GALNTL6: variants seen among roughly 807,000 people sequenced by gnomAD.
The protein encoded by GALNTL6 is polypeptide N-acetylgalactosaminyltransferase like 6.
A neutral mutation model predicts 73.7 loss-of-function variants in GALNTL6; 46 were observed. That is an observed-to-expected ratio of 0.62 (90% CI 0.49 to 0.80). GALNTL6 has a LOEUF of 0.80. Among genes scored for constraint, GALNTL6 ranks in the 30% least tolerant of loss-of-function variants. The pLI is 0.00. For missense variants in GALNTL6, 604 were observed against 755.0 expected (o/e 0.80, Z 2.34); for synonymous variants, 259 against 263.7 (o/e 0.98, Z 0.17).
At chr4:172,110,220 A>G (rs1318614217) in intron 2 of GALNTL6, among the ~76,000 whole-genome samples, 2 of 152,222 alleles carry the variant, frequency 1.3e-5, no homozygotes, top group Non-Finnish European at 2.9e-5. Flanking sequence ...GATACAGCTA[A>G]GGCAAGAATA....
chr4:172,210,018 A>G (rs956841972), intron 2 of GALNTL6, among the ~76,000 whole-genome samples: 1 of 152,114 alleles, frequency 6.6e-6, no homozygotes. Context: ...AATGCATATC[A>G]TAGTAAAGAA....
intron 5 of GALNTL6, among the ~76,000 whole-genome samples, chr4:172,410,842 G>T (rs1234779638): frequency 6.6e-6 from 1 of 151,908 alleles, no homozygotes; most frequent in African/African-American, 2.4e-5. Flanking sequence ...GTGACACAAT[G>T]ATTTTCCCTC....
intron 5 of GALNTL6, among the ~76,000 whole-genome samples, chr4:172,601,215 A>G (rs1302964343): frequency 6.6e-6 from 1 of 152,196 alleles, no homozygotes; most frequent in Non-Finnish European, 1.5e-5. Flanking sequence ...GCAGATGGAA[A>G]GGTCAACTTA....
chr4:172,192,511 C>T (rs1258647370), intron 2 of GALNTL6, among the ~76,000 whole-genome samples: 4 of 151,850 alleles, frequency 2.6e-5, no homozygotes, highest in Admixed American at 6.6e-5. Context: ...ACTAGGCAGT[C>T]GGAGTGACCC....
intron 5 of GALNTL6, among the ~76,000 whole-genome samples, chr4:172,443,114 CCATATA>C (rs1731891061): frequency 5.2e-5 from 4 of 77,494 alleles, no homozygotes; most frequent in Admixed American, 1.8e-4. Context: ...CAGTAATGAT[CCATATA>C]CATATATATA....
intron 5 of GALNTL6, among the ~76,000 whole-genome samples, chr4:172,742,393 C>T (rs556085792): frequency 3.3e-5 from 5 of 151,548 alleles, no homozygotes; most frequent in Non-Finnish European, 5.9e-5. Context: ...AAACCAATCA[C>T]CCCAGCCTGT....
In GALNTL6 at chr4:172,153,817, A is replaced by G. The variant is rs892696181; in HGVS notation, c.139-75839A>G. Among the ~76,000 whole-genome samples the G allele has an allele frequency of 8.5e-5, 13 of 152,190 alleles. 1 individual carries two copies. Among genetic ancestry groups the G allele is most frequent in the Admixed American group, 1.3e-4 (2 of 15,282 alleles). On this transcript the variant is annotated intron_variant, in intron 2 of 12. Transcript: ENST00000506823. ...GACAAAAAGCTCCTGAGGATCTTTCATGACCTAGGAATTAAACCTAATCAT... is the reference window on the plus strand; with the variant it reads ...GACAAAAAGCTCCTGAGGATCTTTCGTGACCTAGGAATTAAACCTAATCAT...
chr4:171,909,051 G>A (rs1378887666), intron 2 of GALNTL6, among the ~76,000 whole-genome samples: 24 of 149,606 alleles, frequency 1.6e-4, no homozygotes, highest in Non-Finnish European at 2.5e-4. Context: ...GCTAGATGAC[G>A]AGTTAGTGGG....
intron 2 of GALNTL6, among the ~76,000 whole-genome samples, chr4:172,101,610 T>A (rs1231180535): frequency 6.6e-6 from 1 of 152,196 alleles, no homozygotes; most frequent in African/African-American, 2.4e-5. Flanking sequence ...CCATTTAATT[T>A]GCCTCTTTTT....
intron 2 of GALNTL6, among the ~76,000 whole-genome samples, chr4:172,163,082 C>A (rs1212427762): frequency 6.6e-6 from 1 of 151,944 alleles, no homozygotes; most frequent in Non-Finnish European, 1.5e-5. Flanking sequence ...TCCCACCTTG[C>A]CCTGGTGAAC....
At chr4:172,427,898 A>G (rs1488595289) in intron 5 of GALNTL6, among the ~76,000 whole-genome samples, 6 of 152,230 alleles carry the variant, frequency 3.9e-5, no homozygotes, top group Admixed American at 1.3e-4. Flanking sequence ...CATATAAGGA[A>G]AAGATATTTT....
chr4:172,858,302 C>A (rs1744218237), intron 7 of GALNTL6, among the ~76,000 whole-genome samples: 1 of 152,130 alleles, frequency 6.6e-6, no homozygotes, highest in South Asian at 2.1e-4. Context: ...TCTTGGAGCT[C>A]ATACTCCAGC....
chr4:172,852,103 G>A (rs1028360131), intron 7 of GALNTL6, among the ~76,000 whole-genome samples: 1 of 152,180 alleles, frequency 6.6e-6, no homozygotes, highest in Admixed American at 6.5e-5. Flanking sequence ...TTGCCCACTG[G>A]TTGGGGACTT....
chr4:172,630,759 C>A (rs1739361652), intron 5 of GALNTL6, among the ~76,000 whole-genome samples: 1 of 149,784 alleles, frequency 6.7e-6, no homozygotes, highest in Non-Finnish European at 1.5e-5. Flanking sequence ...TTCCACAAAG[C>A]TATCTTGTTT....
At chr4:172,128,118 A>G (rs1733356539) in intron 2 of GALNTL6, among the ~76,000 whole-genome samples, 1 of 152,170 alleles carries the variant, frequency 6.6e-6, no homozygotes, top group African/African-American at 2.4e-5. Flanking sequence ...AAAGAAAAAA[A>G]AAGTGTCTAA....
chr4:172,486,362 T>C (rs1224419474), intron 5 of GALNTL6, among the ~76,000 whole-genome samples: 1 of 152,198 alleles, frequency 6.6e-6, no homozygotes, highest in Non-Finnish European at 1.5e-5. Context: ...AGATAATTTA[T>C]TAAGCTTCCT....
intron 5 of GALNTL6, among the ~76,000 whole-genome samples, chr4:172,449,680 A>G (rs1732143050): frequency 6.6e-6 from 1 of 152,070 alleles, no homozygotes. Flanking sequence ...TCAAACTTCT[A>G]AATAGTGTGA....
intron 9 of GALNTL6, among the ~76,000 whole-genome samples, chr4:172,937,109 C>A (rs140594861): frequency 7.9e-5 from 12 of 151,972 alleles, no homozygotes; most frequent in African/African-American, 2.7e-4. Flanking sequence ...CCTTGGAAGA[C>A]CCTGGATGCA....
chr4:171,965,657 GA>G (rs10625618), intron 2 of GALNTL6, among the ~76,000 whole-genome samples: 2 of 100,348 alleles, frequency 2.0e-5, no homozygotes, highest in African/African-American at 7.8e-5. Flanking sequence ...CTCCGTCTCA[GA>G]AAAAAAAAAA....
Sources: allele counts gnomAD v4.1 joint callset (sites outside exome capture counted in the v4.1 genomes callset), GRCh38; gene constraint gnomAD v4.1.1; transcripts MANE v1.5; gene names NCBI Gene and HGNC (gene_info 2026-07-23, HGNC 2026-07-21).